The following CLSTN2 variants were observed in gnomAD, a reference collection of about 807,000 sequenced individuals.
CLSTN2 encodes the protein calsyntenin-2.
CLSTN2 carries 48 observed loss-of-function variants against 101.2 expected under a neutral mutation model. The ratio of observed to expected loss-of-function variants is 0.47; its 90% CI spans 0.38 to 0.60. CLSTN2 has a LOEUF of 0.60. Among genes scored for constraint, CLSTN2 ranks in the 20% least tolerant of loss-of-function variants. CLSTN2 has a pLI of 0.00. For synonymous variants in CLSTN2, 481 were observed against 463.6 expected (o/e 1.04, Z -0.48); for missense variants, 1,160 against 1,238.2 (o/e 0.94, Z 0.95).
chr3:140,469,482 A>G lies in CLSTN2; in HGVS notation c.1344+2751A>G, dbSNP rs1313458759. On this transcript the variant is annotated intron_variant, in intron 8 of 16. Coordinates refer to ENST00000458420, the MANE Select transcript of CLSTN2 (RefSeq NM_022131.3). Reference sequence around the variant, plus strand: ...ACCTTGCCAGAAGTTTCTTGGGTGTAAATCACTTGATGCCCAGAATGTGCA... The same window carrying G: ...ACCTTGCCAGAAGTTTCTTGGGTGTGAATCACTTGATGCCCAGAATGTGCA... 5.3e-5 allele frequency among the ~76,000 whole-genome samples: 8 copies of G among 152,216 alleles called. No individual in the cohort carries two copies. The East Asian group carries it at 1.4e-3, about 26-fold the overall frequency.
intron 1 of CLSTN2, among the ~76,000 whole-genome samples, chr3:139,977,010 C>T (rs1426043): frequency 0.12 from 18,187 of 152,106 alleles, 1,793 homozygotes; most frequent in African/African-American, 0.28. Flanking sequence ...GGACCTGGGG[C>T]CTGGGGAGGA....
chr3:140,434,734 T>C (rs1289367732), intron 5 of CLSTN2, among the ~76,000 whole-genome samples: 1 of 152,192 alleles, frequency 6.6e-6, no homozygotes, highest in African/African-American at 2.4e-5. Flanking sequence ...TTCCGTCCAC[T>C]CTTCTGTCAA....
intron 2 of CLSTN2, among the ~76,000 whole-genome samples, chr3:140,323,372 A>AACCT (rs2087302870): frequency 6.6e-6 from 1 of 152,264 alleles, no homozygotes; most frequent in South Asian, 2.1e-4. Flanking sequence ...ATACAAGGGA[A>AACCT]GATAAAATAA....
chr3:140,574,598 A>C lies in CLSTN2; in HGVS notation c.*8345A>C, dbSNP rs1985672465. On this transcript the variant is annotated 3_prime_UTR_variant, in exon 17 of 17. Coordinates refer to ENST00000458420, the MANE Select transcript of CLSTN2 (RefSeq NM_022131.3). ...ACAGACTTGAGAAGAGCCAAAATGCAGACAGTGTGTATTAATCACAGACAA... is the reference window on the plus strand; with the variant it reads ...ACAGACTTGAGAAGAGCCAAAATGCCGACAGTGTGTATTAATCACAGACAA... 1 of 152,256 alleles carries C rather than the reference A, an allele frequency of 6.6e-6. No individual in the cohort carries two copies. The highest frequency in any genetic ancestry group is 2.4e-5 in the African/African-American group (1 of 41,470). 9.4% of individuals were successfully genotyped at this position (152,256 alleles called of 1,614,324 possible).
chr3:140,412,765 G>T (rs1047359463), intron 4 of CLSTN2, among the ~76,000 whole-genome samples: 10 of 152,148 alleles, frequency 6.6e-5, no homozygotes, highest in African/African-American at 9.7e-5. Context: ...TCACAAATAT[G>T]TGAAATTAAA....
chr3:139,972,806 C>G lies in CLSTN2; in HGVS notation c.109+37323C>G, dbSNP rs79811135. On this transcript the variant is annotated intron_variant, in intron 1 of 16. Coordinates refer to ENST00000458420, the MANE Select transcript of CLSTN2 (RefSeq NM_022131.3). ...GAAGAGTGTGAGGACTGTAGAACCA[C>G]TGTTTCCTCCTGCCTGGCCCACAGG... Among the ~76,000 whole-genome samples the G allele has an allele frequency of 5.9e-3, 893 of 152,312 alleles. 9 individuals are homozygous for G. Among genetic ancestry groups the G allele is most frequent in the African/African-American group, 0.02 (846 of 41,570 alleles).
intron 2 of CLSTN2, among the ~76,000 whole-genome samples, chr3:140,221,763 C>A (rs1488056097): frequency 6.6e-6 from 1 of 151,996 alleles, no homozygotes; most frequent in Non-Finnish European, 1.5e-5. Context: ...CAGAGAAATG[C>A]AAATCAAAAC....
At chr3:140,387,672 T>A (rs1014712988) in intron 2 of CLSTN2, among the ~76,000 whole-genome samples, 1 of 152,236 alleles carries the variant, frequency 6.6e-6, no homozygotes, top group African/African-American at 2.4e-5. Context: ...CACATTTTCT[T>A]AGAATTCTAA....
intron 1 of CLSTN2, among the ~76,000 whole-genome samples, chr3:140,100,221 G>A (rs1052115619): frequency 6.9e-6 from 1 of 145,982 alleles, no homozygotes; most frequent in Admixed American, 7.0e-5. Context: ...TATTTATCCT[G>A]ATGACTCCCC....
chr3:140,339,919 C>T (rs1477930405), intron 2 of CLSTN2, among the ~76,000 whole-genome samples: 1 of 152,182 alleles, frequency 6.6e-6, no homozygotes, highest in Non-Finnish European at 1.5e-5. Context: ...GGATGTGGGT[C>T]CTGACACTGG....
intron 2 of CLSTN2, among the ~76,000 whole-genome samples, chr3:140,263,313 T>C (rs1576490114): frequency 6.6e-6 from 1 of 152,048 alleles, no homozygotes; most frequent in African/African-American, 2.4e-5. Context: ...GTGAGGGTGA[T>C]AAGAGATGAG....
At chr3:140,395,998 G>A (rs1026426861) in intron 2 of CLSTN2, among the ~76,000 whole-genome samples, 2 of 152,140 alleles carry the variant, frequency 1.3e-5, no homozygotes, top group East Asian at 1.9e-4. Context: ...CCAGGTGTTC[G>A]CTCCAGGAAG....
intron 8 of CLSTN2, among the ~76,000 whole-genome samples, chr3:140,488,387 G>A (rs1934279517): frequency 1.3e-5 from 2 of 152,078 alleles, no homozygotes; most frequent in African/African-American, 4.8e-5. Flanking sequence ...TCACTTCTCT[G>A]AGCCTTAGTA....
intron 1 of CLSTN2, among the ~76,000 whole-genome samples, chr3:139,998,238 A>G (rs1436740990): frequency 6.6e-6 from 1 of 151,078 alleles, no homozygotes; most frequent in Non-Finnish European, 1.5e-5. Flanking sequence ...CTGACTCTAC[A>G]TTCTTGCACC....
intron 3 of CLSTN2, among the ~76,000 whole-genome samples, 155 bp downstream of exon 3, chr3:140,403,979 A>G (rs2088275139): frequency 6.6e-6 from 1 of 152,106 alleles, no homozygotes; most frequent in Admixed American, 6.5e-5. Flanking sequence ...CCATGCAGGC[A>G]TCTTCCCAGT....
intron 2 of CLSTN2, among the ~76,000 whole-genome samples, chr3:140,224,207 C>G (rs2086299799): frequency 6.6e-6 from 1 of 152,196 alleles, no homozygotes; most frequent in Non-Finnish European, 1.5e-5. Context: ...AGCCTGGCCC[C>G]CTCCTATTTG....
intron 2 of CLSTN2, among the ~76,000 whole-genome samples, chr3:140,291,789 G>A (rs1033177695): frequency 9.2e-5 from 14 of 151,870 alleles, no homozygotes; most frequent in African/African-American, 2.4e-4. Context: ...TCAGTCATCC[G>A]TGTCTGAAAG....
At chr3:140,541,885 A>T (rs542667457) in intron 9 of CLSTN2, among the ~76,000 whole-genome samples, 27 of 152,248 alleles carry the variant, frequency 1.8e-4, no homozygotes, top group Admixed American at 3.3e-4. Flanking sequence ...GGCTTCTGGA[A>T]ACCACACCAG....
intron 2 of CLSTN2, among the ~76,000 whole-genome samples, chr3:140,369,464 G>A (rs573657947): frequency 6.6e-6 from 1 of 152,272 alleles, no homozygotes; most frequent in African/African-American, 2.4e-5. Flanking sequence ...AACTTACTGT[G>A]ATGATTTATC....
Sources: gnomAD v4.1 joint callset for allele counts (sites outside exome capture counted in the v4.1 genomes callset) on GRCh38, gnomAD v4.1.1 for gene constraint, MANE v1.5 for transcripts, NCBI Gene and HGNC (gene_info 2026-07-23, HGNC 2026-07-21) for gene names.